RARB: variants seen among roughly 807,000 people sequenced by gnomAD.
The protein encoded by RARB is retinoic acid receptor beta.
A neutral mutation model predicts 51.9 loss-of-function variants in RARB; 17 were observed. That is an observed-to-expected ratio of 0.33 (90% CI 0.22 to 0.49). The LOEUF (loss-of-function observed/expected upper bound fraction) is 0.49. RARB is among the 20% of genes least tolerant of loss of function. RARB has a pLI of 0.99. For synonymous variants in RARB, 215 were observed against 195.4 expected (o/e 1.10, Z -0.84); for missense variants, 369 against 550.8 (o/e 0.67, Z 3.30).
chr3:25,113,208 T>G (rs1308255465), intron 3 of RARB, among the ~76,000 whole-genome samples: 1 of 152,224 alleles, frequency 6.6e-6, no homozygotes, highest in Non-Finnish European at 1.5e-5. Flanking sequence ...TGGTACCAAT[T>G]GTTTCAATTA....
At chr3:24,997,973 TA>T (rs1288737250) in intron 2 of RARB, among the ~76,000 whole-genome samples, 2 of 152,182 alleles carry the variant, frequency 1.3e-5, no homozygotes, top group Admixed American at 1.3e-4. Context: ...TATCATTATA[TA>T]GTGATATTCT....
intron 3 of RARB, among the ~76,000 whole-genome samples, chr3:25,060,735 A>C (rs1698532209): frequency 6.6e-6 from 1 of 151,928 alleles, no homozygotes; most frequent in South Asian, 2.1e-4. Context: ...CAGAAACTGA[A>C]TTGGAGTTTC....
At chr3:25,351,785 G>T (rs1021158705) in intron 5 of RARB, among the ~76,000 whole-genome samples, 2 of 152,014 alleles carry the variant, frequency 1.3e-5, no homozygotes, top group African/African-American at 2.4e-5. Flanking sequence ...CTGAAGTATG[G>T]CTACTCTACT....
rs140015265 is a variant in RARB at position 25,434,529 on chromosome 3, CTTT to C, written c.157+5655_157+5657del. ...TTGTCAGAGTTAATCCTTGGTACTC[CTTT>C]TTTTTTTTTTTTTCTTTTTTTTTTT... On this transcript the variant is annotated intron_variant, in intron 1 of 7. Coordinates refer to ENST00000330688, the MANE Select transcript of RARB (RefSeq NM_000965.5). Among the ~76,000 whole-genome samples, 84 of 123,016 alleles carry C rather than the reference CTTT, an allele frequency of 6.8e-4. 1 individual carries two copies. Among genetic ancestry groups the C allele is most frequent in the African/African-American group, 1.9e-3 (60 of 31,622 alleles). 80.7% of individuals were successfully genotyped at this position (123,016 alleles called of 152,430 possible).
chr3:25,157,156 T>C (rs1327165858), intron 4 of RARB, among the ~76,000 whole-genome samples: 2 of 152,192 alleles, frequency 1.3e-5, no homozygotes, highest in African/African-American at 4.8e-5. Context: ...CAATAAGGTA[T>C]CTGTTCAAAA....
At chr3:25,178,986 T>G (rs1006395127) in intron 5 of RARB, among the ~76,000 whole-genome samples, 72 of 152,174 alleles carry the variant, frequency 4.7e-4, no homozygotes, top group African/African-American at 1.7e-3. Flanking sequence ...CTTCAGAATC[T>G]CTCTCAAAAT....
Position 25,594,531 on chromosome 3 carries a change from C to G in RARB, c.1003C>G (p.Leu335Val), listed in dbSNP as rs1251635971. Residue 335 changes from leucine to valine, a missense_variant, in exon 7 of 8, where the codon CTT becomes GTT. By Grantham distance (32) the Leu-to-Val change is conservative (BLOSUM62 1). Coordinates refer to ENST00000330688, the MANE Select transcript of RARB (RefSeq NM_000965.5). ...TTCCTGGTATCCAGACCGCCAGGAC[C>G]TTGAGGAACCGACAAAAGTAGATAA... is the stretch of plus-strand genomic sequence containing the variant. ...ICLICGDRQD[L>V]EEPTKVDKLQ... 1 of 1,609,604 alleles carries G rather than the reference C, an allele frequency of 6.2e-7. No individual in the cohort carries two copies. Among genetic ancestry groups the G allele is most frequent in the Non-Finnish European group, 8.5e-7 (1 of 1,178,574 alleles).
At chr3:25,260,497 C>G (rs1702971660) in intron 5 of RARB, among the ~76,000 whole-genome samples, 1 of 152,080 alleles carries the variant, frequency 6.6e-6, no homozygotes, top group Non-Finnish European at 1.5e-5. Flanking sequence ...AAATCTCACA[C>G]AAGACAGGGA....
rs1239442536 is a variant in RARB at position 25,057,922 on chromosome 3, T to C, written c.-379-2203T>C. On this transcript the variant is annotated intron_variant, in intron 2 of 11. Transcript: ENST00000383772. ...AAAAATGATGTATATAGAATTGTGGTACAAAGATATACTTCTGAACAATTA... is the reference window on the plus strand; with the variant it reads ...AAAAATGATGTATATAGAATTGTGGCACAAAGATATACTTCTGAACAATTA... 3.3e-5 allele frequency among the ~76,000 whole-genome samples: 5 copies of C among 152,140 alleles called. No individual in the cohort carries two copies. The East Asian group carries it at 9.6e-4, about 29-fold the overall frequency.
chr3:25,559,956 CAGAT>C lies in RARB; in HGVS notation c.449-9801_449-9798del, dbSNP rs775634873. ...TTGGATGTCTATTTGGATGGATAGA[CAGAT>C]GGATGGATGGATGAAAAACACTCCC... On this transcript the variant is annotated intron_variant, in intron 3 of 7. Coordinates refer to ENST00000330688, the MANE Select transcript of RARB (RefSeq NM_000965.5). 1.4e-3 allele frequency among the ~76,000 whole-genome samples: 209 copies of C among 152,210 alleles called. 1 individual carries two copies. The highest frequency in any genetic ancestry group is 4.4e-3 in the African/African-American group (182 of 41,540).
chr3:25,120,527 ATCTCTCTCTCTC>A (rs138649959), intron 3 of RARB, among the ~76,000 whole-genome samples: 32 of 136,166 alleles, frequency 2.4e-4, no homozygotes, highest in East Asian at 1.1e-3. Flanking sequence ...ATATATAAAA[ATCTCTCTCTCTC>A]TCTCTCTCTC....
At chr3:25,444,620 T>C (rs1156667499) in intron 1 of RARB, among the ~76,000 whole-genome samples, 3 of 152,234 alleles carry the variant, frequency 2.0e-5, no homozygotes, top group African/African-American at 7.2e-5. Flanking sequence ...GTGAGTATTA[T>C]GGCCTATTAC....
At chr3:25,483,847 C>T (rs1177633163) in intron 2 of RARB, among the ~76,000 whole-genome samples, 1 of 152,010 alleles carries the variant, frequency 6.6e-6, no homozygotes, top group Non-Finnish European at 1.5e-5. Context: ...GACAGGGAGT[C>T]GGATAAAGAA....
rs547410030 is a variant in RARB, at chr3:25,481,652, A to G, written c.307-19530A>G. On this transcript the variant is annotated intron_variant, in intron 2 of 7. Coordinates refer to ENST00000330688, the MANE Select transcript of RARB (RefSeq NM_000965.5). The stretch of plus-strand genomic sequence containing the variant: ...CTAGCAGGACAGTGCTTCTGTGCAT[A>G]TTGTACATATTGTCCCTGTGGTACA... Among the ~76,000 whole-genome samples, 5 of 152,252 alleles carry G rather than the reference A, an allele frequency of 3.3e-5. No individual in the cohort carries two copies. The South Asian group carries it at 8.3e-4, about 25-fold the overall frequency.
chr3:25,207,338 A>G (rs1701576346), intron 5 of RARB, among the ~76,000 whole-genome samples: 1 of 152,184 alleles, frequency 6.6e-6, no homozygotes, highest in South Asian at 2.1e-4. Context: ...ACGTTCAATG[A>G]CATTATCTTA....
chr3:25,328,311 G>C (rs1338268735), intron 5 of RARB, among the ~76,000 whole-genome samples: 5 of 152,226 alleles, frequency 3.3e-5, no homozygotes, highest in Non-Finnish European at 7.3e-5. Context: ...CCTCAGGTGA[G>C]GAGTTCAAAA....
At chr3:25,514,671 G>A (rs1698070687) in intron 3 of RARB, among the ~76,000 whole-genome samples, 1 of 152,138 alleles carries the variant, frequency 6.6e-6, no homozygotes, top group Non-Finnish European at 1.5e-5. Flanking sequence ...TTTTGGTTTA[G>A]CAACATTGTT....
chr3:25,210,529 C>CTTTTTTTTTTTTTTTTTT lies in RARB; in HGVS notation c.178+35961_178+35978dup, dbSNP rs773846113. Among the ~76,000 whole-genome samples the CTTTTTTTTTTTTTTTTTT allele has an allele frequency of 4.7e-4, 13 of 27,628 alleles. 2 individuals are homozygous for CTTTTTTTTTTTTTTTTTT. Among genetic ancestry groups the CTTTTTTTTTTTTTTTTTT allele is most frequent in the East Asian group, 1.0e-3 (1 of 960 alleles). The allele number at this position is 27,628 out of a possible 152,430, so 18.1% of individuals were successfully genotyped here. On this transcript the variant is annotated intron_variant, in intron 5 of 11. Transcript: ENST00000383772. Reference sequence around the variant, plus strand: ...GAAAGCCTGAAATCTTTATCTGATTCTTTTTTTTTTTTTTTTTTTTTTTTG... The same window carrying CTTTTTTTTTTTTTTTTTT: ...GAAAGCCTGAAATCTTTATCTGATTCTTTTTTTTTTTTTTTTTTTTTTTTTTTTTTTTTTTTTTTTTTG...
intron 1 of RARB, among the ~76,000 whole-genome samples, chr3:25,459,329 A>C (rs1288329618): frequency 6.6e-6 from 1 of 152,228 alleles, no homozygotes; most frequent in Non-Finnish European, 1.5e-5. Flanking sequence ...AGCTTGGCCT[A>C]TTCAGAAGAC....
Sources: gnomAD v4.1 joint callset for allele counts (sites outside exome capture counted in the v4.1 genomes callset) on GRCh38, gnomAD v4.1.1 for gene constraint, MANE v1.5 for transcripts, NCBI Gene and HGNC (gene_info 2026-07-23, HGNC 2026-07-21) for gene names.